Variants in GLI3 observed in about 807,000 individuals in gnomAD.
GLI3 encodes GLI family zinc finger 3, also known as transcription activator GLI3.
GLI3 carries 20 observed loss-of-function variants against 100.8 expected under a neutral mutation model. The ratio of observed to expected loss-of-function variants is 0.20; its 90% CI spans 0.14 to 0.29. The LOEUF (loss-of-function observed/expected upper bound fraction) is 0.29, where lower values mean the gene tolerates loss of function less well. GLI3 is among the 10% of genes least tolerant of loss of function. The pLI is 1.00. For synonymous variants in GLI3, 938 were observed against 860.5 expected, an observed-to-expected ratio of 1.09 and a Z score of -1.58; for missense variants, 2,040 against 2,128.5, an observed-to-expected ratio of 0.96 and a Z score of 0.82.
chr7:41,984,939 C>T (rs1787775053), intron 10 of GLI3, among the ~76,000 whole-genome samples: 1 of 152,238 alleles, frequency 6.6e-6, no homozygotes, highest in Non-Finnish European at 1.5e-5. Flanking sequence ...TACACACAAA[C>T]ACCCATGTGC....
intron 2 of GLI3, among the ~76,000 whole-genome samples, chr7:42,204,958 G>A (rs969583481): frequency 2.0e-5 from 3 of 152,018 alleles, no homozygotes; most frequent in Admixed American, 6.6e-5. Flanking sequence ...CCAACCAAAC[G>A]CTGCATGATT....
intron 2 of GLI3, among the ~76,000 whole-genome samples, chr7:42,215,697 T>A (rs993080739): frequency 2.6e-5 from 4 of 152,244 alleles, no homozygotes; most frequent in Non-Finnish European, 4.4e-5. Context: ...TCCTGATTTA[T>A]CTGATATTCA....
chr7:42,108,964 G>A (rs1785640320), intron 3 of GLI3, among the ~76,000 whole-genome samples: 1 of 151,942 alleles, frequency 6.6e-6, no homozygotes, highest in African/African-American at 2.4e-5. Context: ...CTGGAAGTCT[G>A]ACGCCATCAC....
chr7:42,144,749 C>CAT (rs1218552992), intron 3 of GLI3, among the ~76,000 whole-genome samples: 1 of 152,046 alleles, frequency 6.6e-6, no homozygotes, highest in Admixed American at 6.6e-5. Flanking sequence ...ATACAAAGTT[C>CAT]ATATATATAG....
chr7:42,214,680 C>T (rs1788339640), intron 2 of GLI3, among the ~76,000 whole-genome samples: 1 of 150,220 alleles, frequency 6.7e-6, no homozygotes, highest in Admixed American at 6.6e-5. Flanking sequence ...AAAAAAATAG[C>T]AAAGCATTTG....
chr7:41,988,421 C>T (rs575820975), intron 10 of GLI3, among the ~76,000 whole-genome samples: 1 of 139,244 alleles, frequency 7.2e-6, no homozygotes, highest in African/African-American at 2.7e-5. Context: ...CAAGATCACT[C>T]CATTGCACTC....
intron 2 of GLI3, among the ~76,000 whole-genome samples, chr7:42,215,579 C>G (rs542455759): frequency 2.1e-4 from 32 of 152,272 alleles, no homozygotes; most frequent in Admixed American, 1.6e-3. Flanking sequence ...TGTTCACACC[C>G]CATGATCACA....
At chr7:42,140,850 A>G (rs376207013) in intron 3 of GLI3, among the ~76,000 whole-genome samples, 4 of 152,328 alleles carry the variant, frequency 2.6e-5, no homozygotes, top group East Asian at 1.9e-4. Context: ...GCCTCTATTA[A>G]GAAAGCGGGA....
upstream of GLI3, among the ~76,000 whole-genome samples, chr7:42,242,483 C>G (rs1392285176): frequency 1.3e-5 from 2 of 152,210 alleles, no homozygotes; most frequent in Admixed American, 1.3e-4. Context: ...GCAAATAGCT[C>G]CGACATTCCC....
Position 42,076,847 on chromosome 7 carries a change from A to T in GLI3, c.378T>A (p.His126Gln), listed in dbSNP as rs1784887750. Residue 126 changes from histidine (H) to glutamine (Q), a missense_variant, in exon 4 of 15, where the codon CAT becomes CAA. This residue lies in a region of GLI3 where 603 missense variants were observed against 690.9 expected (regional missense o/e 0.87). Coordinates refer to ENST00000395925, the MANE Select transcript of GLI3 (RefSeq NM_000168.6). ...CAGGAGGATGGAAGGCAGGGAAAAG[A>T]TGAGGAGGGTCTGAAAAGAAGAGAG... The part of the protein sequence containing the change: ...GYMEPHYHPP[H>Q]LFPAFHPPVP... 6.2e-7 allele frequency: 1 copy of T among 1,607,050 alleles called. No individual in the cohort carries two copies. Among genetic ancestry groups the T allele is most frequent in the African/African-American group, 1.3e-5 (1 of 74,780 alleles).
At chr7:42,182,633 T>C (rs1382193763) in intron 2 of GLI3, among the ~76,000 whole-genome samples, 1 of 97,122 alleles carries the variant, frequency 1.0e-5, no homozygotes, top group East Asian at 3.0e-4. Context: ...TATGCATATG[T>C]ATATGTGTGT....
chr7:42,087,529 G>A (rs1015143740), intron 3 of GLI3, among the ~76,000 whole-genome samples: 4 of 152,170 alleles, frequency 2.6e-5, no homozygotes, highest in African/African-American at 9.7e-5. Context: ...TCCTGGTTGG[G>A]ACCTTTTGAC....
At chr7:41,995,261 T>C (rs756703616) in intron 10 of GLI3, among the ~76,000 whole-genome samples, 4 of 152,212 alleles carry the variant, frequency 2.6e-5, no homozygotes, top group Admixed American at 6.5e-5. Flanking sequence ...CCACCCATGA[T>C]GGATGTGAAT....
At chr7:42,186,450 T>A (rs1723969530) in intron 2 of GLI3, among the ~76,000 whole-genome samples, 2 of 152,142 alleles carry the variant, frequency 1.3e-5, no homozygotes, top group African/African-American at 4.8e-5. Context: ...AAAAAAAGTA[T>A]TTGAAAGGCC....
chr7:42,000,540 C>T (rs1252833274), intron 10 of GLI3, among the ~76,000 whole-genome samples: 1 of 152,022 alleles, frequency 6.6e-6, no homozygotes, highest in Non-Finnish European at 1.5e-5. Context: ...GGGAGGACCA[C>T]TAAAGACTCG....
chr7:42,160,569 T>A (rs544983095), intron 2 of GLI3, among the ~76,000 whole-genome samples: 287 of 152,300 alleles, frequency 1.9e-3, no homozygotes, highest in Non-Finnish European at 3.1e-3. Context: ...GGCATCACGT[T>A]GGTGCTCCCA....
chr7:42,239,193 A>ATC (rs1361633444), upstream of GLI3, among the ~76,000 whole-genome samples: 1 of 152,212 alleles, frequency 6.6e-6, no homozygotes, highest in Non-Finnish European at 1.5e-5. Flanking sequence ...CCACTGACTC[A>ATC]TCGCAGAGAG....
At chr7:42,073,749 A>C (rs1784827531) in intron 4 of GLI3, among the ~76,000 whole-genome samples, 1 of 152,258 alleles carries the variant, frequency 6.6e-6, no homozygotes, top group African/African-American at 2.4e-5. Flanking sequence ...AGCTGGCACC[A>C]GAAGAACAAT....
intron 4 of GLI3, among the ~76,000 whole-genome samples, chr7:42,073,408 C>G (rs549360837): frequency 2.0e-5 from 3 of 152,276 alleles, no homozygotes; most frequent in East Asian, 1.9e-4. Flanking sequence ...TGTTCTAACA[C>G]CTAATAAGCC....
Sources: gnomAD v4.1 joint callset for allele counts (sites outside exome capture counted in the v4.1 genomes callset) on GRCh38, gnomAD v4.1.1 for gene constraint, gnomAD v4.1.1 regional missense constraint, MANE v1.5 for transcripts, NCBI Gene and HGNC (gene_info 2026-07-23, HGNC 2026-07-21) for gene names.